The following CD164 variants were observed in gnomAD, a reference collection of about 807,000 sequenced individuals.
The protein encoded by CD164 is sialomucin core protein 24.
A neutral mutation model predicts 24.6 loss-of-function variants in CD164; 11 were observed. The observed-to-expected ratio is 0.45, with a 90% confidence interval of 0.28 to 0.74. The LOEUF (loss-of-function observed/expected upper bound fraction) is 0.74. Ranked by LOEUF, CD164 falls within the 30% of genes least tolerant of loss-of-function variation. The probability of loss-of-function intolerance (pLI) is 0.13; values close to 1 mark genes in which losing one functional copy is unlikely to be tolerated. For synonymous variants in CD164, 126 were observed against 100.3 expected (o/e 1.26, Z -1.53); for missense variants, 295 against 243.7 (o/e 1.21, Z -1.40).
intron 1 of CD164, chr6:109,381,664 C>G (rs2115174752): frequency 4.3e-6 from 3 of 691,008 alleles, no homozygotes; most frequent in East Asian, 5.4e-5. Flanking sequence ...AATTAAATCT[C>G]AAGCGACCTT....
In CD164 at chr6:109,382,266, G is replaced by A. The variant is rs2115177023; in HGVS notation, c.113C>T (p.Pro38Leu). Residue 38 changes from proline (P) to leucine (L), a missense_variant, in exon 1 of 6, where the codon CCC becomes CTC. Transcript: ENST00000310786. ...TQHPNVTTLA[P>L]ISNVTSAPVT... ...CGGCGCCGAGGTTACGTTGGAGATG[G>A]GCGCTAAAGTCGTCACGTTCGGGTG... 3 of 1,590,096 alleles carry A rather than the reference G, an allele frequency of 1.9e-6. No individual in the cohort carries two copies. Among genetic ancestry groups the A allele is most frequent in the Non-Finnish European group, 2.6e-6 (3 of 1,170,874 alleles).
At chr6:109,374,655 G>C (rs1223247812) in intron 4 of CD164, among the ~76,000 whole-genome samples, 1 of 152,124 alleles carries the variant, frequency 6.6e-6, no homozygotes, top group Non-Finnish European at 1.5e-5. Flanking sequence ...TACCAGCAAG[G>C]CATACAAAGG....
In CD164 at chr6:109,368,148, A is replaced by G; in HGVS notation, c.*703T>C. The G allele has an allele frequency of 2.4e-6, 2 of 850,890 alleles. No individual in the cohort carries two copies. The highest frequency in any genetic ancestry group is 3.5e-6 in the Non-Finnish European group (2 of 576,974). The allele number at this position is 850,890 out of a possible 1,614,324, so 52.7% of individuals were successfully genotyped here. A position where few individuals can be genotyped will look rare whatever the true frequency, so the allele number is the denominator to read the frequency against. On this transcript the variant is annotated 3_prime_UTR_variant, in exon 6 of 6. Transcript: ENST00000310786. ...ATCCTTACCTTCCTTAATGTCAAAG[A>G]ACAAATCATAGACATTAAGCTAGAG...
At position 109,368,007 on chromosome 6, in the gene CD164, A is replaced by G. The variant is rs993383912; in HGVS notation, c.*844T>C. On this transcript the variant is annotated 3_prime_UTR_variant, in exon 6 of 6. Transcript: ENST00000310786. ...AAGATACGAAGGCTTTCAATTCTGT[A>G]TAACAGACTTTAGCTTAAGTTTCTC... 9.8e-5 allele frequency: 27 copies of G among 274,600 alleles called. No individual in the cohort carries two copies. The highest frequency in any genetic ancestry group is 1.6e-4 in the Admixed American group (3 of 18,526). The allele number at this position is 274,600 out of a possible 1,614,324, so 17.0% of individuals were successfully genotyped here. A position where few individuals can be genotyped will look rare whatever the true frequency, so the allele number is the denominator to read the frequency against.
intron 4 of CD164, among the ~76,000 whole-genome samples, chr6:109,373,105 G>C (rs1771180812): frequency 6.6e-6 from 1 of 151,762 alleles, no homozygotes; most frequent in Admixed American, 6.6e-5. Flanking sequence ...AGAAAATCTA[G>C]AAAATGCCAA....
chr6:109,368,291 A>C lies in CD164; in HGVS notation c.*560T>G. ...TAATGGTATCCTTTCATTTCTTTAA[A>C]TCTGGAATGTAGTTCCTTGTGTGGC... On this transcript the variant is annotated 3_prime_UTR_variant, in exon 6 of 6. Transcript: ENST00000310786. 1 of 1,543,442 alleles carries C rather than the reference A, an allele frequency of 6.5e-7. No individual in the cohort carries two copies. The highest frequency in any genetic ancestry group is 8.7e-7 in the Non-Finnish European group (1 of 1,143,338).
chr6:109,370,364 T>C (rs1414677268), intron 5 of CD164, 47 bp downstream of exon 5: 1 of 1,433,518 alleles, frequency 7.0e-7, no homozygotes, highest in Non-Finnish European at 9.8e-7. Flanking sequence ...AAGGGCAACA[T>C]CGTGCACACA....
At position 109,382,366 on chromosome 6, in the gene CD164, A is replaced by G. The variant is rs1428669005; in HGVS notation, c.13T>C (p.Ser5Pro). The change falls in exon 1 of 6, where the codon TCC (serine) becomes CCC (proline). Residue 5 changes from serine (S) to proline (P), a missense_variant. Ser to Pro is a moderately conservative substitution (Grantham distance 74). Coordinates refer to ENST00000310786, the MANE Select transcript of CD164 (RefSeq NM_006016.6). Reference sequence around the variant, plus strand: ...GTGGCGGCCCAAAGCAGTGAGCGGGAGAGCCGCGACATCGTGTCCTCAGCG... The same window carrying G: ...GTGGCGGCCCAAAGCAGTGAGCGGGGGAGCCGCGACATCGTGTCCTCAGCG... MSRL[S>P]RSLLWAATCL... The G allele has an allele frequency of 1.3e-6, 2 of 1,546,700 alleles. No individual in the cohort carries two copies. Among genetic ancestry groups the G allele is most frequent in the Non-Finnish European group, 8.7e-7 (1 of 1,152,266 alleles).
rs1259292013 is a variant in CD164, at chr6:109,367,345, TTG to T, written c.*1504_*1505del. 6.6e-6 allele frequency: 1 copy of T among 152,594 alleles called. No individual in the cohort carries two copies. Among genetic ancestry groups the T allele is most frequent in the African/African-American group, 2.4e-5 (1 of 41,474 alleles). 9.5% of individuals were successfully genotyped at this position (152,594 alleles called of 1,614,324 possible). A position where few individuals can be genotyped will look rare whatever the true frequency, so the allele number is the denominator to read the frequency against. On this transcript the variant is annotated 3_prime_UTR_variant, in exon 6 of 6. Transcript: ENST00000310786. ...TGTTTATGAAATGAAACAAAGCAGT[TTG>T]TCATTTCTTACTATAAAATATTGAA...
chr6:109,367,972 TG>T lies in CD164; in HGVS notation c.*878del, dbSNP rs566001211. On this transcript the variant is annotated 3_prime_UTR_variant, in exon 6 of 6. Transcript: ENST00000310786. ...TTTTCAACAGCCATAAGAAAAATGT[TG>T]GGAGGTTCAAGATACGAAGGCTTTC... 3.8e-4 allele frequency: 80 copies of T among 210,144 alleles called. No individual in the cohort carries two copies. Among genetic ancestry groups the T allele is most frequent in the Admixed American group, 1.4e-3 (23 of 16,854 alleles). The allele number at this position is 210,144 out of a possible 1,614,324, so 13.0% of individuals were successfully genotyped here.
intron 3 of CD164, among the ~76,000 whole-genome samples, chr6:109,376,439 G>A (rs1363394556): frequency 1.3e-5 from 2 of 152,184 alleles, no homozygotes; most frequent in Non-Finnish European, 2.9e-5. Context: ...TCATCCTGCT[G>A]GCAGGAAAAT....
chr6:109,371,019 A>C (rs747350951), intron 4 of CD164: 1 of 152,774 alleles, frequency 6.5e-6, no homozygotes, highest in Non-Finnish European at 1.5e-5. Flanking sequence ...AAAGCTTTAT[A>C]AGAACAGGGG....
chr6:109,373,963 CGTAA>C (rs778193972), intron 4 of CD164, among the ~76,000 whole-genome samples: 1 of 152,206 alleles, frequency 6.6e-6, no homozygotes, highest in Admixed American at 6.5e-5. Flanking sequence ...CACACCACTG[CGTAA>C]GTGTTTCAAG....
intron 1 of CD164, chr6:109,380,101 T>G (rs1562243898): frequency 6.6e-6 from 1 of 152,452 alleles, no homozygotes; most frequent in Non-Finnish European, 1.5e-5. Flanking sequence ...AGTAGTAGTT[T>G]AACAGGTTGA....
intron 2 of CD164, 109 bp from the exon 3 acceptor site, chr6:109,378,080 G>A: frequency 1.1e-6 from 1 of 874,240 alleles, no homozygotes; most frequent in Non-Finnish European, 1.8e-6. Flanking sequence ...TTTAGAAGTG[G>A]GCAGGGGGAA....
Position 109,368,408 on chromosome 6 carries a change from T to G in CD164, c.*443A>C, listed in dbSNP as rs1770889405. The stretch of plus-strand genomic sequence containing the variant: ...TAGTACTACTAAATTAATAAATTTA[T>G]TCCACTTTTGAAATGACAGCCAAAA... On this transcript the variant is annotated 3_prime_UTR_variant, in exon 6 of 6. Transcript: ENST00000310786. The G allele has an allele frequency of 7.0e-7, 1 of 1,433,198 alleles. No individual in the cohort carries two copies. The highest frequency in any genetic ancestry group is 1.5e-5 in the African/African-American group (1 of 67,686). 88.8% of individuals were successfully genotyped at this position (1,433,198 alleles called of 1,614,324 possible).
intron 4 of CD164, chr6:109,372,118 A>C (rs1447572512): frequency 6.6e-6 from 1 of 152,206 alleles, no homozygotes; most frequent in Admixed American, 6.5e-5. Context: ...ACTGTTGATG[A>C]AGCACAGAAA....
intron 4 of CD164, chr6:109,375,836 A>C: frequency 2.3e-6 from 1 of 428,364 alleles, no homozygotes; most frequent in Non-Finnish European, 4.1e-6. Context: ...TACTTTATAG[A>C]CTCAATGTAC....
intron 2 of CD164, 109 bp downstream of exon 2, chr6:109,379,470 T>C: frequency 3.8e-6 from 3 of 793,426 alleles, no homozygotes; most frequent in Non-Finnish European, 6.0e-6. Flanking sequence ...ATTTGCAAAA[T>C]AAATAGTGCA....
Sources: allele counts gnomAD v4.1 joint callset (sites outside exome capture counted in the v4.1 genomes callset), GRCh38; gene constraint gnomAD v4.1.1; transcripts MANE v1.5; gene names NCBI Gene and HGNC (gene_info 2026-07-23, HGNC 2026-07-21).